The following SEC61A2 variants were observed in gnomAD, a reference collection of about 807,000 sequenced individuals.
SEC61A2 encodes protein transport protein Sec61 subunit alpha isoform 2.
SEC61A2 carries 28 observed loss-of-function variants against 59.9 expected under a neutral mutation model. That is an observed-to-expected ratio of 0.47 (90% CI 0.35 to 0.64). SEC61A2 has a LOEUF of 0.64. Ranked by LOEUF, SEC61A2 falls within the 30% of genes least tolerant of loss-of-function variation. The pLI is 0.01. For missense variants in SEC61A2, 340 were observed against 585.9 expected (o/e 0.58, Z 4.33); for synonymous variants, 202 against 214.4 (o/e 0.94, Z 0.50).
rs1403280428 is a variant in SEC61A2 at position 12,129,878 on chromosome 10, C to G, written c.7+84C>G. Reference sequence around the variant, plus strand: ...GCGGGCGGTGGGGCTGGCGCTCGCTCGGAGTCGTGGGGGCCAGGGATGCGC... The same window carrying G: ...GCGGGCGGTGGGGCTGGCGCTCGCTGGGAGTCGTGGGGGCCAGGGATGCGC... On this transcript the variant is annotated intron_variant, in intron 1 of 11. Transcript: ENST00000298428. The surrounding 1 kb of genome is among the most constrained non-coding windows in gnomAD (Gnocchi z 5.6). 2 of 1,232,130 alleles carry G rather than the reference C, an allele frequency of 1.6e-6. No homozygotes were observed. The highest frequency in any genetic ancestry group is 2.1e-6 in the Non-Finnish European group (2 of 958,976). 76.3% of individuals were successfully genotyped at this position (1,232,130 alleles called of 1,614,324 possible). A position where few individuals can be genotyped will look rare whatever the true frequency, so the allele number is the denominator to read the frequency against.
intron 3 of SEC61A2, among the ~76,000 whole-genome samples, chr10:12,140,337 T>A (rs1833990328): frequency 6.6e-6 from 1 of 152,200 alleles, no homozygotes; most frequent in African/African-American, 2.4e-5. Context: ...TTATATTAAA[T>A]ATAGTGCAAA....
At position 12,156,575 on chromosome 10, in the gene SEC61A2, T is replaced by G. The variant is rs1400349938; in HGVS notation, c.617-332T>G. Among the ~76,000 whole-genome samples, 1 of 152,196 alleles carries G rather than the reference T, an allele frequency of 6.6e-6. No individual in the cohort carries two copies. Among genetic ancestry groups the G allele is most frequent in the Non-Finnish European group, 1.5e-5 (1 of 68,046 alleles). On this transcript the variant is annotated intron_variant, in intron 7 of 11. Transcript: ENST00000298428. This position sits in a 1 kb window ranked among gnomAD's most constrained non-coding sequence, Gnocchi z 5.2. ...CTCTGCTCTGCTTCGCTGCTGTTTA[T>G]TTTTCCTAAAAACACTCTCTCCCTT...
At chr10:12,130,096 A>G (rs895601005) in intron 1 of SEC61A2, among the ~76,000 whole-genome samples, 1 of 152,132 alleles carries the variant, frequency 6.6e-6, no homozygotes. Context: ...AACCTGGACC[A>G]CTTTTTAATT....
chr10:12,160,711 A>G lies in SEC61A2; in HGVS notation c.976-219A>G, dbSNP rs182975600. Among the ~76,000 whole-genome samples, 14 of 51,292 alleles carry G rather than the reference A, an allele frequency of 2.7e-4. No homozygotes were observed. The highest frequency in any genetic ancestry group is 2.0e-3 in the Admixed American group (11 of 5,438). 33.6% of individuals were successfully genotyped at this position (51,292 alleles called of 152,430 possible). On this transcript the variant is annotated intron_variant, in intron 9 of 11. Coordinates refer to ENST00000298428, the MANE Select transcript of SEC61A2 (RefSeq NM_018144.4). This position sits in a 1 kb window ranked among gnomAD's most constrained non-coding sequence, Gnocchi z 4.1. ...TATTACAATTTTTAAAAATGACTCA[A>G]TATTTTCACAGTGTCTTGCATGTAA... is the stretch of plus-strand genomic sequence containing the variant.
chr10:12,141,396 A>G (rs1203137659), intron 3 of SEC61A2, among the ~76,000 whole-genome samples: 3 of 152,210 alleles, frequency 2.0e-5, no homozygotes, highest in Non-Finnish European at 4.4e-5. Flanking sequence ...CATATAGAGA[A>G]GGTTTTTGAA....
In SEC61A2 at chr10:12,154,916, G is replaced by T. The variant is rs1834361942; in HGVS notation, c.463-862G>T. 6.6e-6 allele frequency among the ~76,000 whole-genome samples: 1 copy of T among 152,172 alleles called. No individual in the cohort carries two copies. Among genetic ancestry groups the T allele is most frequent in the Non-Finnish European group, 1.5e-5 (1 of 68,042 alleles). ...GTGTCTTTAAAGTGGGGACATGTGT[G>T]AGGTTGGGGGCATGGAAGCATATTT... On this transcript the variant is annotated intron_variant, in intron 6 of 11. Transcript: ENST00000298428. The surrounding 1 kb of genome is among the most constrained non-coding windows in gnomAD (Gnocchi z 5.2).
At chr10:12,159,805 T>A (rs1355552888) in intron 9 of SEC61A2, among the ~76,000 whole-genome samples, 2 of 151,956 alleles carry the variant, frequency 1.3e-5, no homozygotes, top group Non-Finnish European at 2.9e-5. Flanking sequence ...TCTTGAAATA[T>A]GGTGTTTATT....
rs1834397541 is a variant in SEC61A2, at chr10:12,156,435, T to C, written c.617-472T>C. 6.6e-6 allele frequency among the ~76,000 whole-genome samples: 1 copy of C among 152,208 alleles called. No homozygotes were observed. Among genetic ancestry groups the C allele is most frequent in the Non-Finnish European group, 1.5e-5 (1 of 68,044 alleles). ...TCTAACAGATACTGTCCTAAGTGGT[T>C]AATACCTAAACTCTGATCCCAGCCT... On this transcript the variant is annotated intron_variant, in intron 7 of 11. Transcript: ENST00000298428. The surrounding 1 kb of genome is among the most constrained non-coding windows in gnomAD (Gnocchi z 5.2).
Position 12,149,775 on chromosome 10 carries a change from G to A in SEC61A2, c.352+49G>A, listed in dbSNP as rs764121388. On this transcript the variant is annotated intron_variant, in intron 5 of 11. Transcript: ENST00000298428. The surrounding 1 kb of genome is among the most constrained non-coding windows in gnomAD (Gnocchi z 5.2). ...GCATTCTCCAAATTTGAGAGTGCTC[G>A]TGGTAAAGATGTTTTCTCTAGTCTT... The A allele has an allele frequency of 1.5e-5, 24 of 1,606,326 alleles. No homozygotes were observed. The Admixed American group carries it at 2.7e-4, about 18-fold the overall frequency.
At chr10:12,135,630 G>A (rs976803209) in intron 2 of SEC61A2, among the ~76,000 whole-genome samples, 3 of 151,904 alleles carry the variant, frequency 2.0e-5, no homozygotes, top group Admixed American at 1.3e-4. Flanking sequence ...TGTACCCTTC[G>A]GAGACTCCAC....
At chr10:12,130,375 C>T (rs1469341665) in intron 1 of SEC61A2, among the ~76,000 whole-genome samples, 2 of 152,154 alleles carry the variant, frequency 1.3e-5, no homozygotes, top group African/African-American at 4.8e-5. Flanking sequence ...CCGTAACACT[C>T]AACCCCACAT....
In SEC61A2 at chr10:12,162,398, C is replaced by G. The variant is rs1163307984; in HGVS notation, c.1244+109C>G. On this transcript the variant is annotated intron_variant, in intron 11 of 11. Coordinates refer to ENST00000298428, the MANE Select transcript of SEC61A2 (RefSeq NM_018144.4). This position sits in a 1 kb window ranked among gnomAD's most constrained non-coding sequence, Gnocchi z 6.1. ...AGTTCATATTTAAAACCCTTCTATT[C>G]ACACAGATGAATCAAAATTTCACAC... 1 of 953,238 alleles carries G rather than the reference C, an allele frequency of 1.0e-6. No homozygotes were observed. The highest frequency in any genetic ancestry group is 1.7e-5 in the Admixed American group (1 of 59,078). The allele number at this position is 953,238 out of a possible 1,614,324, so 59.0% of individuals were successfully genotyped here.
chr10:12,144,951 AGGTGGGAGGATGGCTTGAGCCTG>A (rs1185600589), intron 4 of SEC61A2, among the ~76,000 whole-genome samples: 3 of 151,970 alleles, frequency 2.0e-5, no homozygotes, highest in Non-Finnish European at 4.4e-5. Context: ...TGGGAGGCTG[AGGTGGGAGGATGGCTTGAGCCTG>A]GGAGGAAGAG....
downstream of SEC61A2, chr10:12,169,431 C>T (rs895591381): frequency 2.2e-5 from 17 of 787,856 alleles, no homozygotes; most frequent in East Asian, 3.1e-4. This position sits in a 1 kb window ranked among gnomAD's most constrained non-coding sequence, Gnocchi z 4.8. Context: ...TGAAAAAAGC[C>T]GAGAGAGGCT....
rs1834413740 is a variant in SEC61A2 at position 12,157,012 on chromosome 10, A to G, written c.722A>G (p.Asn241Ser). The change falls in exon 8 of 12, where the codon AAT becomes AGT. Residue 241 changes from asparagine to serine, a missense_variant. Physicochemically the swap from Asn to Ser is conservative, Grantham distance 46. Transcript: ENST00000298428. The part of the protein sequence containing the change: ...REAFYRQNLP[N>S]LMNLIATVFV... ...GCTTTTTATCGGCAGAACTTACCCA[A>G]TCTCATGAACCTCATTGCTACAGTT... The G allele has an allele frequency of 6.2e-7, 1 of 1,614,120 alleles. No homozygotes were observed. The highest frequency in any genetic ancestry group is 8.5e-7 in the Non-Finnish European group (1 of 1,179,998).
rs1233700589 is a variant in SEC61A2, at chr10:12,164,343, C to T, written c.1320C>T (p.Ala440=). ...CAGTGCTGGCTGACTTCCTGGGGGC[C>T]ATTGGATCTGGCACTGGAATTCTGC... is the stretch of plus-strand genomic sequence containing the variant. ...ALSVLADFLG[A]IGSGTGILLA... is the part of the protein sequence containing the mutation. Residue 440 remains alanine (A), a synonymous_variant, in exon 12 of 12, where the codon GCC becomes GCT. Transcript: ENST00000298428. This position sits in a 1 kb window ranked among gnomAD's most constrained non-coding sequence, Gnocchi z 7.3. 2 of 1,614,084 alleles carry T rather than the reference C, an allele frequency of 1.2e-6. No individual in the cohort carries two copies. The highest frequency in any genetic ancestry group is 2.7e-5 in the African/African-American group (2 of 75,032).
intron 1 of SEC61A2, among the ~76,000 whole-genome samples, chr10:12,131,682 CTTTTTTTTTTTTTT>C (rs1199525836): frequency 8.6e-5 from 4 of 46,540 alleles, no homozygotes; most frequent in Non-Finnish European, 1.6e-4. Flanking sequence ...GATTACATAC[CTTTTTTTTTTTTTT>C]TTTTTTTTTT....
At chr10:12,163,828 C>T (rs571427534) in intron 11 of SEC61A2, among the ~76,000 whole-genome samples, 5 of 152,106 alleles carry the variant, frequency 3.3e-5, no homozygotes, top group African/African-American at 1.2e-4. Context: ...TATTTTAAAT[C>T]CCATTTTTCA....
downstream of SEC61A2, chr10:12,167,620 A>T (rs974177009): frequency 5.9e-6 from 8 of 1,357,076 alleles, no homozygotes; most frequent in Non-Finnish European, 8.3e-6. Flanking sequence ...GCAAATCTAC[A>T]TTAAACTAAG....
Sources: allele counts gnomAD v4.1 joint callset (sites outside exome capture counted in the v4.1 genomes callset), GRCh38; gene constraint gnomAD v4.1.1; non-coding constraint Gnocchi (gnomAD v3.1); transcripts MANE v1.5; gene names NCBI Gene and HGNC (gene_info 2026-07-23, HGNC 2026-07-21).